The following DKK4 variants were observed in gnomAD, a reference collection of about 807,000 sequenced individuals.
DKK4 encodes dickkopf Wnt signaling pathway inhibitor 4, also known as dickkopf-related protein 4.
In DKK4, 15 loss-of-function variants were observed where a neutral mutation model predicts 14.5. That is an observed-to-expected ratio of 1.03 (90% CI 0.69 to 1.59). The LOEUF is 1.59. DKK4 is among the 40% of genes most tolerant of loss of function. The pLI, the probability that DKK4 is intolerant of heterozygous loss-of-function variation, is 0.00. For missense variants in DKK4, 272 were observed against 280.3 expected, an observed-to-expected ratio of 0.97 and a Z score of 0.21; for synonymous variants, 89 against 105.2, an observed-to-expected ratio of 0.85 and a Z score of 0.94.
chr8:42,383,920 G>A, the DKK4 span, among the ~76,000 whole-genome samples: 2 of 152,156 alleles, frequency 1.3e-5, no homozygotes, highest in South Asian at 2.1e-4. Context: ...TCCAGCCTGG[G>A]GAACAGAGCA....
In DKK4 at chr8:42,375,770, C is replaced by T. The variant is rs1451354901; in HGVS notation, c.172G>A (p.Asp58Asn). The change falls in exon 2 of 4, where the codon GAT becomes AAT. Residue 58 changes from aspartate (D) to asparagine (N), a missense_variant. By Grantham distance (23) the Asp-to-Asn change is conservative. Transcript: ENST00000220812. ...NTRKFCLQPRDEKPFCATCRG... is the reference protein window; with the variant it reads ...NTRKFCLQPRNEKPFCATCRG... ...CATGTAGCACAGAACGGCTTCTCAT[C>T]GCGGGGCTGGAGGCAGAACTTTCTG... 4 of 1,614,138 alleles carry T rather than the reference C, an allele frequency of 2.5e-6. 1 individual carries two copies. Among genetic ancestry groups the T allele is most frequent in the South Asian group, 2.2e-5 (2 of 91,082 alleles).
chr8:42,387,020 G>A, the DKK4 span, among the ~76,000 whole-genome samples: 1 of 152,194 alleles, frequency 6.6e-6, no homozygotes, highest in African/African-American at 2.4e-5. Flanking sequence ...CTGCTCCCTT[G>A]GGGACAGCAT....
chr8:42,375,776 G>A lies in DKK4; in HGVS notation c.166C>T (p.Pro56Ser), dbSNP rs758787588. 6 of 1,614,056 alleles carry A rather than the reference G, an allele frequency of 3.7e-6. No homozygotes were observed. In the African/African-American group the frequency reaches 5.3e-5, roughly 14 times the overall value. ...DCNTRKFCLQ[P>S]RDEKPFCATC... Reference sequence around the variant, plus strand: ...GCACAGAACGGCTTCTCATCGCGGGGCTGGAGGCAGAACTTTCTGGTATTG... The same window carrying A: ...GCACAGAACGGCTTCTCATCGCGGGACTGGAGGCAGAACTTTCTGGTATTG... Residue 56 changes from proline to serine, a missense_variant, in exon 2 of 4, where the codon CCC (proline) becomes TCC (serine). Coordinates refer to ENST00000220812, the MANE Select transcript of DKK4 (RefSeq NM_014420.3).
rs763989701 is a variant in DKK4, at chr8:42,374,306, A to G, written c.469T>C (p.Cys157Arg). 13 of 1,614,096 alleles carry G rather than the reference A, an allele frequency of 8.1e-6. No individual in the cohort carries two copies. Among genetic ancestry groups the G allele is most frequent in the Middle Eastern group, 1.6e-4 (1 of 6,062 alleles). Residue 157 changes from cysteine (C) to arginine (R), a missense_variant, in exon 4 of 4, where the codon TGT becomes CGT. Physicochemically the swap from Cys to Arg is radical, Grantham distance 180. Coordinates refer to ENST00000220812, the MANE Select transcript of DKK4 (RefSeq NM_014420.3). ...RTFDCGPGLC[C>R]ARHFWTKICK... ...ATTTTCGTCCAAAAATGACGAGCAC[A>G]GCAAAGTCCAGGGCCACAGTCAAAA...
chr8:42,376,855 A>G, intron 1 of DKK4, 80 bp downstream of exon 1: 1 of 1,158,098 alleles, frequency 8.6e-7, no homozygotes. Context: ...TACATGAATC[A>G]GAATGACTTA....
chr8:42,374,290 C>A lies in DKK4; in HGVS notation c.485G>T (p.Trp162Leu), dbSNP rs939765578. The A allele has an allele frequency of 6.2e-7, 1 of 1,611,556 alleles. No homozygotes were observed. Among genetic ancestry groups the A allele is most frequent in the African/African-American group, 1.3e-5 (1 of 74,542 alleles). The part of the protein sequence containing the change: ...GPGLCCARHF[W>L]TKICKPVLLE... ...AAGGACTGGCTTACAAATTTTCGTC[C>A]AAAAATGACGAGCACAGCAAAGTCC... is the stretch of plus-strand genomic sequence containing the variant. The change falls in exon 4 of 4, where the codon TGG (tryptophan) becomes TTG (leucine). Residue 162 changes from tryptophan (W) to leucine (L), a missense_variant. Transcript: ENST00000220812.
At chr8:42,381,253 G>A (rs1169611972), upstream of DKK4, among the ~76,000 whole-genome samples, 1 of 152,126 alleles carries the variant, frequency 6.6e-6, no homozygotes, top group African/African-American at 2.4e-5. Flanking sequence ...GGTGCACTGG[G>A]TGGGTAGAGG....
the DKK4 span, among the ~76,000 whole-genome samples, chr8:42,391,213 G>A: frequency 3.3e-5 from 5 of 152,110 alleles, no homozygotes; most frequent in African/African-American, 9.6e-5. Context: ...CACTCTTGAA[G>A]TCTGGTCAGT....
At position 42,374,469 on chromosome 8, in the gene DKK4, AAC is replaced by A. The variant is rs1352389875; in HGVS notation, c.416-112_416-111del. The stretch of plus-strand genomic sequence containing the variant: ...CTATGACTGACAGCCACAAAGTAAA[AAC>A]AGACACAGCACGCAGGTCTCACAGA... On this transcript the variant is annotated intron_variant, in intron 3 of 3. Coordinates refer to ENST00000220812, the MANE Select transcript of DKK4 (RefSeq NM_014420.3). 4 of 1,427,076 alleles carry A rather than the reference AAC, an allele frequency of 2.8e-6. No individual in the cohort carries two copies. The East Asian group carries it at 9.1e-5, about 33-fold the overall frequency. 88.4% of individuals were successfully genotyped at this position (1,427,076 alleles called of 1,614,324 possible).
At chr8:42,385,583 C>A in the DKK4 span, among the ~76,000 whole-genome samples, 1 of 151,930 alleles carries the variant, frequency 6.6e-6, no homozygotes. Context: ...ACCGCCACTG[C>A]CCCCACAGGT....
chr8:42,380,648 GAGAAAGGAAGGA>G (rs1377780581), upstream of DKK4, among the ~76,000 whole-genome samples: 5 of 110,800 alleles, frequency 4.5e-5, no homozygotes, highest in South Asian at 8.2e-4. Flanking sequence ...AAGAAAGTGA[GAGAAAGGAAGGA>G]AGAAAGGAAG....
At chr8:42,377,561 G>C (rs956595223), upstream of DKK4, among the ~76,000 whole-genome samples, 3 of 152,148 alleles carry the variant, frequency 2.0e-5, no homozygotes, top group African/African-American at 7.2e-5. Flanking sequence ...CCTAAGATCT[G>C]TTTTCACAGC....
upstream of DKK4, among the ~76,000 whole-genome samples, chr8:42,381,338 T>A (rs547779868): frequency 3.3e-5 from 5 of 152,264 alleles, no homozygotes; most frequent in African/African-American, 1.2e-4. Context: ...TGAGAAAAGC[T>A]GTCCGCACAA....
chr8:42,375,317 G>C (rs1263649198), intron 2 of DKK4, among the ~76,000 whole-genome samples: 1 of 152,076 alleles, frequency 6.6e-6, no homozygotes, highest in East Asian at 1.9e-4. Context: ...GAGGTAGGTG[G>C]ATCACCTGAG....
chr8:42,389,150 C>G, the DKK4 span, among the ~76,000 whole-genome samples: 5 of 152,140 alleles, frequency 3.3e-5, no homozygotes, highest in Non-Finnish European at 7.4e-5. Context: ...CAACATATTG[C>G]CTAGGCTTGT....
chr8:42,376,885 C>A, intron 1 of DKK4, 50 bp downstream of exon 1: 1 of 1,464,642 alleles, frequency 6.8e-7, no homozygotes, highest in Non-Finnish European at 9.5e-7. Context: ...AAACAAAACA[C>A]CCCAGCTGTC....
chr8:42,380,541 AAAGG>A (rs1433848538), upstream of DKK4, among the ~76,000 whole-genome samples: 18 of 149,638 alleles, frequency 1.2e-4, no homozygotes, highest in Non-Finnish European at 2.2e-4. Context: ...AGGAAGGGTG[AAAGG>A]AAGGAAGGAA....
chr8:42,389,542 TCAAATA>T, the DKK4 span, among the ~76,000 whole-genome samples: 1 of 152,216 alleles, frequency 6.6e-6, no homozygotes, highest in Non-Finnish European at 1.5e-5. Context: ...CTTATTAACT[TCAAATA>T]CCTTTCACAC....
chr8:42,377,549 G>T (rs377060598), upstream of DKK4, among the ~76,000 whole-genome samples: 9 of 152,158 alleles, frequency 5.9e-5, no homozygotes, highest in African/African-American at 2.2e-4. Context: ...GAGGGAGTCT[G>T]CCCTAAGATC....
Sources: gnomAD v4.1 joint callset for allele counts (sites outside exome capture counted in the v4.1 genomes callset) on GRCh38, gnomAD v4.1.1 for gene constraint, MANE v1.5 for transcripts, NCBI Gene and HGNC (gene_info 2026-07-23, HGNC 2026-07-21) for gene names.